The following WASL variants were observed in gnomAD, a reference collection of about 807,000 sequenced individuals.
WASL encodes the protein WASP like actin nucleation promoting factor, also known as actin nucleation-promoting factor WASL.
Under a neutral mutation model 55.5 loss-of-function variants are expected in WASL, and 20 were observed. The observed-to-expected ratio is 0.36, with a 90% CI of 0.25 to 0.52. The LOEUF (loss-of-function observed/expected upper bound fraction) is 0.52, where lower values mean the gene tolerates loss of function less well. Ranked by LOEUF, WASL falls within the 20% of genes least tolerant of loss-of-function variation. WASL has a pLI of 0.92. For missense variants in WASL, 504 were observed against 622.5 expected (o/e 0.81, Z 2.03); for synonymous variants, 249 against 217.6 (o/e 1.14, Z -1.27).
At chr7:123,748,429 C>G (rs1348791496) in intron 1 of WASL, among the ~76,000 whole-genome samples, 189 bp downstream of exon 1, 1 of 151,940 alleles carries the variant, frequency 6.6e-6, no homozygotes, top group Non-Finnish European at 1.5e-5. Flanking sequence ...GAAGGCGGCG[C>G]CCGACCGCCA....
chr7:123,740,061 T>A (rs1383232391), intron 1 of WASL, among the ~76,000 whole-genome samples: 3 of 152,166 alleles, frequency 2.0e-5, no homozygotes, highest in Non-Finnish European at 2.9e-5. Context: ...GAGGGTGTTA[T>A]GTGCTTAGTA....
rs750310164 is a variant in WASL, at chr7:123,682,180, A to T, written c.*2339T>A. ...CCTCATGCTAGTTTGTTAAATGCAA[A>T]GGCTACCAGACGACCATTTAGCTGG... is the stretch of plus-strand genomic sequence containing the variant. On this transcript the variant is annotated 3_prime_UTR_variant, in exon 11 of 11. Transcript: ENST00000223023. 15 of 152,142 alleles carry T rather than the reference A, an allele frequency of 9.9e-5. No individual in the cohort carries two copies. Among genetic ancestry groups the T allele is most frequent in the Non-Finnish European group, 1.9e-4 (13 of 68,006 alleles). The allele number at this position is 152,142 out of a possible 1,614,324, so 9.4% of individuals were successfully genotyped here. A position where few individuals can be genotyped will look rare whatever the true frequency, so the allele number is the denominator to read the frequency against.
At chr7:123,736,396 G>A (rs1438163100) in intron 1 of WASL, among the ~76,000 whole-genome samples, 2 of 152,114 alleles carry the variant, frequency 1.3e-5, no homozygotes, top group African/African-American at 4.8e-5. Flanking sequence ...ATAAATATAA[G>A]GTTTTTTTCC....
intron 7 of WASL, 47 bp downstream of exon 7, chr7:123,695,776 C>T: frequency 6.3e-7 from 1 of 1,578,334 alleles, no homozygotes; most frequent in Non-Finnish European, 8.6e-7. Context: ...TAGGCCAACA[C>T]ATTTCCACAT....
chr7:123,738,418 T>C (rs1804274428), intron 1 of WASL, among the ~76,000 whole-genome samples: 1 of 152,194 alleles, frequency 6.6e-6, no homozygotes, highest in Non-Finnish European at 1.5e-5. Flanking sequence ...CTCTGTAATC[T>C]TGAGCTTGAC....
chr7:123,708,701 G>A (rs1340858296), intron 2 of WASL, among the ~76,000 whole-genome samples: 1 of 151,940 alleles, frequency 6.6e-6, no homozygotes, highest in Non-Finnish European at 1.5e-5. Context: ...AGTACATACT[G>A]AGCTAAAATA....
chr7:123,735,842 A>G (rs1269394556), intron 1 of WASL, among the ~76,000 whole-genome samples: 1 of 152,144 alleles, frequency 6.6e-6, no homozygotes, highest in African/African-American at 2.4e-5. Flanking sequence ...GCAGTCTAAT[A>G]TATCTGAAAC....
chr7:123,734,900 C>CA (rs915956151), intron 1 of WASL, among the ~76,000 whole-genome samples: 22 of 152,064 alleles, frequency 1.4e-4, no homozygotes, highest in African/African-American at 5.3e-4. Context: ...GGGAAGGAGA[C>CA]AGAGTATATG....
chr7:123,686,467 TTCA>T, intron 10 of WASL, among the ~76,000 whole-genome samples: 1 of 152,134 alleles, frequency 6.6e-6, no homozygotes, highest in Middle Eastern at 3.4e-3. Flanking sequence ...AGCTAATAAT[TTCA>T]TCATCAGGTA....
intron 7 of WASL, 123 bp downstream of exon 7, chr7:123,695,700 C>T (rs1803478988): frequency 5.6e-6 from 5 of 893,396 alleles, no homozygotes; most frequent in South Asian, 1.7e-5. Context: ...TGTATACATA[C>T]ATAAAACACA....
intron 1 of WASL, among the ~76,000 whole-genome samples, chr7:123,722,166 G>A (rs1021894402): frequency 6.6e-6 from 1 of 152,146 alleles, no homozygotes; most frequent in Admixed American, 6.5e-5. Flanking sequence ...TACATTTCAA[G>A]TGCGCAATAA....
intron 10 of WASL, among the ~76,000 whole-genome samples, chr7:123,685,306 C>T (rs943203397): frequency 6.6e-6 from 1 of 151,934 alleles, no homozygotes; most frequent in African/African-American, 2.4e-5. Flanking sequence ...CATGATTTGT[C>T]CAGTTATTGT....
In WASL at chr7:123,698,351, GA is replaced by G. The variant is rs34132314; in HGVS notation, c.461-1605del. ...AGTATCCTACTTACTAAAATTATCT[GA>G]AAAAAAAAAAAAGTTTATTTACATG... On this transcript the variant is annotated intron_variant, in intron 5 of 10. Transcript: ENST00000223023. Among the ~76,000 whole-genome samples the G allele has an allele frequency of 9.3e-3, 1,271 of 136,010 alleles. 9 individuals carry two copies. The highest frequency in any genetic ancestry group is 0.028 in the African/African-American group (1,050 of 37,644). The allele number at this position is 136,010 out of a possible 152,430, so 89.2% of individuals were successfully genotyped here. A position where few individuals can be genotyped will look rare whatever the true frequency, so the allele number is the denominator to read the frequency against.
intron 6 of WASL, 141 bp from the exon 7 acceptor site, chr7:123,696,006 G>C (rs1340340792): frequency 1.4e-6 from 1 of 690,422 alleles, no homozygotes; most frequent in Non-Finnish European, 2.4e-6. Flanking sequence ...ACCATATTGT[G>C]ATAAAAACTA....
At chr7:123,698,958 C>T (rs779749218) in intron 5 of WASL, among the ~76,000 whole-genome samples, 20 of 152,186 alleles carry the variant, frequency 1.3e-4, no homozygotes, top group Non-Finnish European at 2.6e-4. Context: ...TCCCTTTCTG[C>T]CCTCTCACTT....
At chr7:123,698,003 A>C (rs896565126) in intron 5 of WASL, among the ~76,000 whole-genome samples, 1 of 151,934 alleles carries the variant, frequency 6.6e-6, no homozygotes, top group Non-Finnish European at 1.5e-5. Flanking sequence ...TATTGGAGGA[A>C]TTAGGTGCAA....
At chr7:123,741,532 T>C (rs760718798) in intron 1 of WASL, among the ~76,000 whole-genome samples, 3 of 152,166 alleles carry the variant, frequency 2.0e-5, no homozygotes, top group Non-Finnish European at 4.4e-5. Flanking sequence ...GTGAACTCTA[T>C]TAGGAAAGCT....
At chr7:123,718,913 T>C (rs1346196162) in intron 1 of WASL, among the ~76,000 whole-genome samples, 1 of 152,250 alleles carries the variant, frequency 6.6e-6, no homozygotes, top group East Asian at 1.9e-4. Flanking sequence ...CTGTTGAGCA[T>C]TTGTTATGTG....
chr7:123,740,436 CAT>C (rs1260633482), intron 1 of WASL, among the ~76,000 whole-genome samples: 1 of 149,898 alleles, frequency 6.7e-6, no homozygotes, highest in Non-Finnish European at 1.5e-5. Flanking sequence ...AGACTACTAA[CAT>C]AGATGCAATA....
Sources: gnomAD v4.1 joint callset for allele counts (sites outside exome capture counted in the v4.1 genomes callset) on GRCh38, gnomAD v4.1.1 for gene constraint, MANE v1.5 for transcripts, NCBI Gene and HGNC (gene_info 2026-07-23, HGNC 2026-07-21) for gene names.